Variants in RXFP1 observed in about 807,000 individuals in gnomAD.
The protein encoded by RXFP1 is relaxin receptor 1.
Under a neutral mutation model 89.8 loss-of-function variants are expected in RXFP1, and 73 were observed. That is an observed-to-expected ratio of 0.81 (90% CI 0.67 to 0.99). The LOEUF is 0.99. Among genes scored for constraint, RXFP1 ranks in the 50% least tolerant of loss-of-function variants. The pLI, the probability that RXFP1 is intolerant of heterozygous loss-of-function variation, is 0.00. For missense variants in RXFP1, 793 were observed against 895.5 expected (o/e 0.89, Z 1.46); for synonymous variants, 277 against 305.5 (o/e 0.91, Z 0.97).
intron 4 of RXFP1, among the ~76,000 whole-genome samples, chr4:158,602,030 TCACA>T (rs897051862): frequency 6.6e-6 from 1 of 152,200 alleles, no homozygotes; most frequent in Non-Finnish European, 1.5e-5. Flanking sequence ...CATTTCTCTC[TCACA>T]CACATACAAA....
chr4:158,633,430 A>G lies in RXFP1; in HGVS notation c.925A>G (p.Asn309Asp). The G allele has an allele frequency of 6.2e-7, 1 of 1,602,566 alleles. No homozygotes were observed. Among genetic ancestry groups the G allele is most frequent in the Non-Finnish European group, 8.5e-7 (1 of 1,171,182 alleles). ...GGATTTAGGAAGTAATAAGATTGAA[A>G]ATCTTCCACCGCTTATATTCAAGGA... ...ELDLGSNKIE[N>D]LPPLIFKDLK... The change falls in exon 12 of 18, where the codon AAT becomes GAT. Residue 309 changes from asparagine (N) to aspartate (D), a missense_variant. By Grantham distance (23) the Asn-to-Asp change is conservative (BLOSUM62 1). Coordinates refer to ENST00000307765, the MANE Select transcript of RXFP1 (RefSeq NM_021634.4).
At chr4:158,617,248 C>G in intron 9 of RXFP1, 43 bp downstream of exon 9, 1 of 1,391,980 alleles carries the variant, frequency 7.2e-7, no homozygotes, top group Non-Finnish European at 1.0e-6. Context: ...ACTAAATTTT[C>G]TGTTTTTACC....
chr4:158,634,931 T>C (rs1768854230), intron 12 of RXFP1, among the ~76,000 whole-genome samples: 1 of 152,290 alleles, frequency 6.6e-6, no homozygotes, highest in African/African-American at 2.4e-5. Flanking sequence ...TGCTGTAGCT[T>C]TGTAGTATGT....
chr4:158,570,604 C>T (rs778358367), intron 1 of RXFP1, among the ~76,000 whole-genome samples: 7 of 152,090 alleles, frequency 4.6e-5, no homozygotes, highest in Non-Finnish European at 5.9e-5. Context: ...GACTAAGCCT[C>T]ATTTGTCTAT....
chr4:158,607,835 A>C (rs774515108), intron 5 of RXFP1, 137 bp from the exon 6 acceptor site: 6 of 551,506 alleles, frequency 1.1e-5, no homozygotes, highest in Non-Finnish European at 9.5e-6. Flanking sequence ...AACCATTTTT[A>C]AGTCTACCTT....
Position 158,626,841 on chromosome 4 carries a change from C to G in RXFP1, c.777C>G (p.Ile259Met). 1 of 1,565,546 alleles carries G rather than the reference C, an allele frequency of 6.4e-7. No homozygotes were observed. Among genetic ancestry groups the G allele is most frequent in the Non-Finnish European group, 8.7e-7 (1 of 1,148,380 alleles). Residue 259 changes from isoleucine to methionine, a missense_variant, in exon 10 of 18, where the codon ATC becomes ATG. Transcript: ENST00000307765. Reference sequence around the variant, plus strand: ...CCAGGGACCTTGAAGGCAACCATATCCATAATTTAAGAAATTTGACTTTTA... The same window carrying G: ...CCAGGGACCTTGAAGGCAACCATATGCATAATTTAAGAAATTTGACTTTTA... The part of the protein sequence containing the change: ...LHWLDLEGNH[I>M]HNLRNLTFIS...
At chr4:158,627,302 A>T (rs1767049577) in intron 10 of RXFP1, among the ~76,000 whole-genome samples, 1 of 152,276 alleles carries the variant, frequency 6.6e-6, no homozygotes, top group South Asian at 2.1e-4. Context: ...CAGTAAAAAA[A>T]AATCCAACTC....
At chr4:158,542,837 G>A (rs1252370836) in intron 1 of RXFP1, among the ~76,000 whole-genome samples, 6 of 151,926 alleles carry the variant, frequency 3.9e-5, no homozygotes, top group East Asian at 3.9e-4. Context: ...GGCATCATAG[G>A]TGCAACAAAC....
chr4:158,530,243 C>A (rs1743699891), intron 1 of RXFP1, among the ~76,000 whole-genome samples: 1 of 152,094 alleles, frequency 6.6e-6, no homozygotes, highest in African/African-American at 2.4e-5. Context: ...CCCTAGGAAG[C>A]TTTTTTGGAA....
intron 4 of RXFP1, among the ~76,000 whole-genome samples, chr4:158,599,632 C>G (rs1189643426): frequency 1.3e-5 from 2 of 152,070 alleles, no homozygotes; most frequent in Non-Finnish European, 2.9e-5. Context: ...TTTATATTAA[C>G]CCCTCATAAT....
intron 1 of RXFP1, chr4:158,544,403 G>A: frequency 9.2e-6 from 9 of 974,792 alleles, no homozygotes; most frequent in Non-Finnish European, 1.1e-5. Flanking sequence ...TGGTCATAGA[G>A]GAAGTAAGTT....
chr4:158,651,919 A>G lies in RXFP1; in HGVS notation c.2138A>G (p.Tyr713Cys), dbSNP rs541880337. The G allele has an allele frequency of 3.7e-6, 6 of 1,614,196 alleles. No homozygotes were observed. In the South Asian group the frequency reaches 6.6e-5, roughly 18 times the overall value. ...ATGGACAGCAAAGGTCAGAAAACATATGCTCCATCATTCATCTGGGTGGAA... is the reference window on the plus strand; with the variant it reads ...ATGGACAGCAAAGGTCAGAAAACATGTGCTCCATCATTCATCTGGGTGGAA... ...KSMDSKGQKT[Y>C]APSFIWVEMW... Residue 713 changes from tyrosine to cysteine, a missense_variant, in exon 18 of 18, where the codon TAT becomes TGT. Coordinates refer to ENST00000307765, the MANE Select transcript of RXFP1 (RefSeq NM_021634.4).
intron 1 of RXFP1, chr4:158,544,384 GA>G: frequency 1.0e-6 from 1 of 983,702 alleles, no homozygotes; most frequent in Non-Finnish European, 1.2e-6. Context: ...AGATCACCCA[GA>G]ATGGACATGG....
chr4:158,573,493 T>G (rs1400438586), intron 2 of RXFP1, among the ~76,000 whole-genome samples: 1 of 152,064 alleles, frequency 6.6e-6, no homozygotes, highest in Non-Finnish European at 1.5e-5. Flanking sequence ...TAGATTTTTT[T>G]TGTGATTTTT....
At chr4:158,639,167 G>A (rs762238493) in intron 13 of RXFP1, 93 bp from the exon 14 acceptor site, 1 of 714,194 alleles carries the variant, frequency 1.4e-6, no homozygotes, top group South Asian at 1.7e-5. Flanking sequence ...TTAACTAAAA[G>A]CATTTTATTA....
At chr4:158,625,072 CTT>C (rs61614764) in intron 9 of RXFP1, among the ~76,000 whole-genome samples, 33,580 of 151,900 alleles carry the variant, frequency 0.22, 5,465 homozygotes, top group African/African-American at 0.45. Context: ...TTTTGTGAGA[CTT>C]AAGAGAGCAT....
rs1481302786 is a variant in RXFP1, at chr4:158,651,756, G to T, written c.1976-1G>T. The T allele has an allele frequency of 2.5e-6, 4 of 1,582,458 alleles. No homozygotes were observed. The highest frequency in any genetic ancestry group is 1.2e-5 in the South Asian group (1 of 86,026). ...AAAACTATTTCATTTTTCTTTTTTA[G>T]GTACCATAACCTCTTGGGTAGTGAT... On this transcript the variant is annotated splice_acceptor_variant, in intron 17 of 17. Transcript: ENST00000307765. LOFTEE classifies it high-confidence loss of function.
At chr4:158,542,087 A>ATG (rs1746832028) in intron 1 of RXFP1, among the ~76,000 whole-genome samples, 2 of 26,996 alleles carry the variant, frequency 7.4e-5, no homozygotes, top group Non-Finnish European at 1.8e-4. Context: ...GGCTATATAT[A>ATG]TATATATATA....
At chr4:158,603,392 A>G (rs776326667) in intron 4 of RXFP1, among the ~76,000 whole-genome samples, 1 of 152,240 alleles carries the variant, frequency 6.6e-6, no homozygotes, top group Non-Finnish European at 1.5e-5. Context: ...ATTTGGTGAC[A>G]GCCAGCAACT....
Sources: gnomAD v4.1 joint callset for allele counts (sites outside exome capture counted in the v4.1 genomes callset) on GRCh38, gnomAD v4.1.1 for gene constraint, MANE v1.5 for transcripts, NCBI Gene and HGNC (gene_info 2026-07-23, HGNC 2026-07-21) for gene names.